FAM149A: variants seen among roughly 807,000 people sequenced by gnomAD.
The protein encoded by FAM149A is protein FAM149A.
Under a neutral mutation model 78.2 loss-of-function variants are expected in FAM149A, and 71 were observed. The ratio of observed to expected loss-of-function variants is 0.91; its 90% confidence interval spans 0.75 to 1.11. The LOEUF (loss-of-function observed/expected upper bound fraction) is 1.11, where lower values mean the gene tolerates loss of function less well. Among genes scored for constraint, FAM149A ranks in the 50% least tolerant of loss-of-function variants. The pLI is 0.00. For missense variants in FAM149A, 1,036 were observed against 971.0 expected (o/e 1.07, Z -0.89); for synonymous variants, 446 against 410.5 (o/e 1.09, Z -1.04).
chr4:186,136,976 T>TCTCTCTCTCTCTTTCTCTCTCTCTCTCTC (rs2099323291), intron 1 of FAM149A, among the ~76,000 whole-genome samples: 2 of 72,096 alleles, frequency 2.8e-5, no homozygotes, highest in Admixed American at 1.7e-4. Context: ...CTCTCTCTCT[T>TCTCTCTCTCTCTTTCTCTCTCTCTCTCTC]TCTCTCTCTC....
At chr4:186,157,509 T>C in intron 7 of FAM149A, 56 bp from the exon 8 acceptor site, 1 of 1,538,112 alleles carries the variant, frequency 6.5e-7, no homozygotes, top group African/African-American at 1.4e-5. Context: ...GAATTTTAAG[T>C]ATTTGTATTA....
At chr4:186,143,251 C>A (rs1732674062) in intron 1 of FAM149A, among the ~76,000 whole-genome samples, 1 of 141,234 alleles carries the variant, frequency 7.1e-6, no homozygotes, top group Admixed American at 7.6e-5. Context: ...CTTGGCCTCT[C>A]AAAACACTGC....
intron 11 of FAM149A, 133 bp downstream of exon 11, chr4:186,165,597 A>T (rs957429131): frequency 3.0e-5 from 25 of 829,418 alleles, no homozygotes; most frequent in Non-Finnish European, 4.6e-5. Context: ...TGCCTTCATA[A>T]TCTGTTTCCA....
rs569752035 is a variant in FAM149A, at chr4:186,119,756, A to G, written c.566+14114A>G. On this transcript the variant is annotated intron_variant, in intron 1 of 13. Coordinates refer to ENST00000389354, the MANE Select transcript of FAM149A (RefSeq NM_001367768.3). ...AGAGAATGTCGCTCTTTGTATAGAA[A>G]GGTAAAGTGGGGATGTATTGTAAAA... 1.7e-3 allele frequency among the ~76,000 whole-genome samples: 256 copies of G among 152,338 alleles called. 1 individual carries two copies. The highest frequency in any genetic ancestry group is 2.5e-3 in the Non-Finnish European group (167 of 68,024).
intron 4 of FAM149A, chr4:186,153,195 G>T (rs1349848461): frequency 3.3e-6 from 3 of 916,314 alleles, no homozygotes; most frequent in Middle Eastern, 5.6e-4. Context: ...TAGAAATGGA[G>T]GGAAGGTGGG....
At position 186,109,437 on chromosome 4, in the gene FAM149A, C is replaced by G. The variant is rs185575042; in HGVS notation, c.566+3795C>G. The G allele has an allele frequency of 5.3e-5, 51 of 969,612 alleles. No individual in the cohort carries two copies. In the Admixed American group the frequency reaches 8.0e-4, roughly 15 times the overall value. 60.1% of individuals were successfully genotyped at this position (969,612 alleles called of 1,614,324 possible). A position where few individuals can be genotyped will look rare whatever the true frequency, so the allele number is the denominator to read the frequency against. ...GTGACTAGAGGGACTTATCTCGATT[C>G]CTCTGACACTGAGGCAGCCTCCAGT... On this transcript the variant is annotated intron_variant, in intron 1 of 13. Transcript: ENST00000389354.
chr4:186,163,912 A>G (rs1451422308), intron 10 of FAM149A, among the ~76,000 whole-genome samples: 1 of 152,230 alleles, frequency 6.6e-6, no homozygotes, highest in Non-Finnish European at 1.5e-5. Context: ...TCTGTGAAAC[A>G]AATAATTAGC....
At chr4:186,109,269 T>G (rs2099310235) in intron 1 of FAM149A, 2 of 885,204 alleles carry the variant, frequency 2.3e-6, no homozygotes, top group African/African-American at 1.8e-5. Flanking sequence ...GAAGTATTTA[T>G]AGCTTGTATA....
chr4:186,105,775 C>T (rs995763930), intron 1 of FAM149A, 133 bp downstream of exon 1: 2 of 555,266 alleles, frequency 3.6e-6, no homozygotes, highest in African/African-American at 4.1e-5. Flanking sequence ...CCCCTGGGCA[C>T]CCTCCTTGCA....
chr4:186,163,357 A>G (rs888141967), intron 9 of FAM149A, 67 bp from the exon 10 acceptor site: 12 of 1,313,084 alleles, frequency 9.1e-6, no homozygotes, highest in African/African-American at 2.9e-5. Flanking sequence ...TCAACTAAGC[A>G]CAGACAGGTG....
intron 1 of FAM149A, chr4:186,123,775 G>A (rs2099317050): frequency 2.2e-6 from 2 of 923,196 alleles, no homozygotes; most frequent in Middle Eastern, 5.5e-4. Context: ...ACAAACTAAT[G>A]TGCTGGCTTT....
chr4:186,168,285 C>G (rs1236103974), intron 13 of FAM149A, among the ~76,000 whole-genome samples: 1 of 152,166 alleles, frequency 6.6e-6, no homozygotes, highest in East Asian at 1.9e-4. Flanking sequence ...GCAGCATTAG[C>G]GGTCATTCAC....
chr4:186,127,019 C>T (rs541289726), intron 1 of FAM149A: 60 of 985,332 alleles, frequency 6.1e-5, no homozygotes, highest in African/African-American at 7.0e-5. Context: ...AGAGCTGTCG[C>T]GTATGCCAAT....
intron 5 of FAM149A, 138 bp downstream of exon 5, chr4:186,153,908 C>T: frequency 1.2e-6 from 1 of 839,022 alleles, no homozygotes; most frequent in Non-Finnish European, 1.9e-6. Flanking sequence ...GTACAGAGAA[C>T]AATTTTTATA....
At position 186,164,215 on chromosome 4, in the gene FAM149A, G is replaced by A. The variant is rs766447133; in HGVS notation, c.1889+582G>A. Among the ~76,000 whole-genome samples the A allele has an allele frequency of 2.6e-4, 40 of 152,108 alleles. No individual in the cohort carries two copies. The highest frequency in any genetic ancestry group is 4.6e-4 in the Non-Finnish European group (31 of 68,026). On this transcript the variant is annotated intron_variant, in intron 10 of 13. Coordinates refer to ENST00000389354, the MANE Select transcript of FAM149A (RefSeq NM_001367768.3). The surrounding 1 kb of genome is among the most constrained non-coding windows in gnomAD (Gnocchi z 4.0). ...ATTGATCACTTTCTTTGTTATCAGC[G>A]CCAGGTAAATGAATTACATTTATGA... is the stretch of plus-strand genomic sequence containing the variant.
intron 1 of FAM149A, chr4:186,133,107 G>T (rs1167564603): frequency 1.6e-5 from 16 of 985,280 alleles, no homozygotes; most frequent in East Asian, 1.1e-4. Flanking sequence ...GTGGGTAAAG[G>T]TTAGACAGGA....
chr4:186,105,554 C>T lies in FAM149A; in HGVS notation c.478C>T (p.Pro160Ser). 1 of 1,132,736 alleles carries T rather than the reference C, an allele frequency of 8.8e-7. No homozygotes were observed. The allele number at this position is 1,132,736 out of a possible 1,614,324, so 70.2% of individuals were successfully genotyped here. The change falls in exon 1 of 14, where the codon CCC becomes TCC. Residue 160 changes from proline to serine, a missense_variant. Around this residue, in one of 3 missense-constraint regions of FAM149A, gnomAD observed 316 missense variants for 241.9 expected, o/e 1.31. Coordinates refer to ENST00000389354, the MANE Select transcript of FAM149A (RefSeq NM_001367768.3). ...GCGAGAGCTCGGCGCCTGCGTGGCC[C>T]CCGGGGCTGGCCCCAGAACCCTGTT...
intron 1 of FAM149A, chr4:186,125,351 C>G (rs1430100401): frequency 1.0e-6 from 1 of 984,562 alleles, no homozygotes; most frequent in Non-Finnish European, 1.2e-6. Flanking sequence ...CCTGCTACAC[C>G]CACATCCCCT....
intron 1 of FAM149A, chr4:186,145,197 G>T (rs1457116122): frequency 1.0e-6 from 1 of 961,960 alleles, no homozygotes; most frequent in Non-Finnish European, 1.2e-6. Context: ...GGCCGGCTGC[G>T]TCTGGCCCGG....
Sources: allele counts gnomAD v4.1 joint callset (sites outside exome capture counted in the v4.1 genomes callset), GRCh38; gene constraint gnomAD v4.1.1; regional missense constraint gnomAD v4.1.1; non-coding constraint Gnocchi (gnomAD v3.1); transcripts MANE v1.5; gene names NCBI Gene and HGNC (gene_info 2026-07-23, HGNC 2026-07-21).